The following PCDHGB4 variants were observed in gnomAD, a reference collection of about 807,000 sequenced individuals.
The protein encoded by PCDHGB4 is protocadherin gamma subfamily B, 4, also known as protocadherin gamma-B4.
A neutral mutation model predicts 60.5 loss-of-function variants in PCDHGB4; 38 were observed. The ratio of observed to expected loss-of-function variants is 0.63; its 90% CI spans 0.48 to 0.82. PCDHGB4 has a LOEUF of 0.82. Ranked by LOEUF, PCDHGB4 falls within the 40% of genes least tolerant of loss-of-function variation. The probability of loss-of-function intolerance (pLI) is 0.00; values close to 1 mark genes in which losing one functional copy is unlikely to be tolerated. For synonymous variants in PCDHGB4, 456 were observed against 509.7 expected (o/e 0.89, Z 1.42); for missense variants, 1,109 against 1,209.6 (o/e 0.92, Z 1.23).
At chr5:141,394,226 C>CT (rs771492563) in intron 1 of PCDHGB4, 132 of 1,613,834 alleles carry the variant, frequency 8.2e-5, no homozygotes, top group Non-Finnish European at 1.1e-4. Context: ...GAGCCTCCAT[C>CT]TTTTCCTTGA....
At chr5:141,398,415 C>T (rs2093654537) in intron 1 of PCDHGB4, 2 of 1,487,146 alleles carry the variant, frequency 1.3e-6, no homozygotes, top group Non-Finnish European at 1.9e-6. Context: ...AGGAGATATG[C>T]GGGAAGAAGC....
chr5:141,472,254 T>C (rs1031738513), intron 1 of PCDHGB4, among the ~76,000 whole-genome samples: 1 of 152,074 alleles, frequency 6.6e-6, no homozygotes, highest in Admixed American at 6.6e-5. Context: ...TTTAAAGTTA[T>C]ATTATAGCCG....
Position 141,410,441 on chromosome 5 carries a change from A to T in PCDHGB4, c.2397+20160A>T. ...AGTTCCCCCCAACTACAGTGAGGGGACTTTGCCTTATTCTTATAATCTGTG... is the reference window on the plus strand; with the variant it reads ...AGTTCCCCCCAACTACAGTGAGGGGTCTTTGCCTTATTCTTATAATCTGTG... On this transcript the variant is annotated intron_variant, in intron 1 of 3. Transcript: ENST00000519479. 2 of 1,613,946 alleles carry T rather than the reference A, an allele frequency of 1.2e-6. 1 individual carries two copies. The highest frequency in any genetic ancestry group is 2.2e-5 in the South Asian group (2 of 91,074).
chr5:141,410,847 G>GTTT (rs773839667), intron 1 of PCDHGB4: 4 of 158,330 alleles, frequency 2.5e-5, no homozygotes, highest in South Asian at 1.1e-4. Context: ...TTTTGTCTTT[G>GTTT]TCTTTTTTTT....
intron 1 of PCDHGB4, among the ~76,000 whole-genome samples, chr5:141,475,520 C>T (rs2099364531): frequency 6.6e-6 from 1 of 152,204 alleles, no homozygotes; most frequent in Non-Finnish European, 1.5e-5. Context: ...CACGGAAATG[C>T]TAAATGCCTC....
In PCDHGB4 at chr5:141,487,762, T is replaced by C; in HGVS notation, c.2398-7045T>C. 6.5e-7 allele frequency: 1 copy of C among 1,545,432 alleles called. No homozygotes were observed. The highest frequency in any genetic ancestry group is 8.8e-7 in the Non-Finnish European group (1 of 1,142,332). ...TAAGAGGTAACTATGTGGTAGACGC[T>C]GTGCTTTGTAACTGTTTCGTGAATT... On this transcript the variant is annotated intron_variant, in intron 1 of 3. Coordinates refer to ENST00000519479, the MANE Select transcript of PCDHGB4 (RefSeq NM_003736.4). The surrounding 1 kb of genome is among the most constrained non-coding windows in gnomAD (Gnocchi z 5.0).
intron 1 of PCDHGB4, among the ~76,000 whole-genome samples, chr5:141,436,181 T>A (rs1050736907): frequency 1.3e-5 from 2 of 152,092 alleles, no homozygotes; most frequent in African/African-American, 4.8e-5. Context: ...TCATATATAG[T>A]CAAATAGAAA....
At position 141,491,960 on chromosome 5, in the gene PCDHGB4, A is replaced by T. The variant is rs1380758016; in HGVS notation, c.2398-2847A>T. The T allele has an allele frequency of 1.0e-6, 1 of 984,842 alleles. No individual in the cohort carries two copies. The highest frequency in any genetic ancestry group is 3.0e-5 in the East Asian group (1 of 33,312). 61.0% of individuals were successfully genotyped at this position (984,842 alleles called of 1,614,324 possible). A position where few individuals can be genotyped will look rare whatever the true frequency, so the allele number is the denominator to read the frequency against. On this transcript the variant is annotated intron_variant, in intron 1 of 3. Coordinates refer to ENST00000519479, the MANE Select transcript of PCDHGB4 (RefSeq NM_003736.4). The surrounding 1 kb of genome is among the most constrained non-coding windows in gnomAD (Gnocchi z 6.9). ...CGACCCCCACCCCTACACTCAAAAA[A>T]GGCCGGGGCCTCCTTCGAGCTTCCG...
At position 141,485,565 on chromosome 5, in the gene PCDHGB4, C is replaced by T. The variant is rs1213821989; in HGVS notation, c.2398-9242C>T. The T allele has an allele frequency of 2.5e-6, 4 of 1,612,946 alleles. No homozygotes were observed. Among genetic ancestry groups the T allele is most frequent in the Non-Finnish European group, 2.5e-6 (3 of 1,179,042 alleles). On this transcript the variant is annotated intron_variant, in intron 1 of 3. Coordinates refer to ENST00000519479, the MANE Select transcript of PCDHGB4 (RefSeq NM_003736.4). The surrounding 1 kb of genome is among the most constrained non-coding windows in gnomAD (Gnocchi z 5.7). ...ATCGTAGATGTGAATGATCACGCCCCCCGTTTTCCGCGGCAGCAGCTGGAC... is the reference window on the plus strand; with the variant it reads ...ATCGTAGATGTGAATGATCACGCCCTCCGTTTTCCGCGGCAGCAGCTGGAC...
Position 141,490,924 on chromosome 5 carries a change from C to A in PCDHGB4, c.2398-3883C>A. 1 of 1,613,680 alleles carries A rather than the reference C, an allele frequency of 6.2e-7. No individual in the cohort carries two copies. Among genetic ancestry groups the A allele is most frequent in the Non-Finnish European group, 8.5e-7 (1 of 1,179,694 alleles). On this transcript the variant is annotated intron_variant, in intron 1 of 3. Coordinates refer to ENST00000519479, the MANE Select transcript of PCDHGB4 (RefSeq NM_003736.4). The surrounding 1 kb of genome is among the most constrained non-coding windows in gnomAD (Gnocchi z 5.4). ...TGTCCTAGACGAGAATGATAATGCC[C>A]CAGCTGTGCTGCACCCACGGCCAGA...
chr5:141,510,949 G>C lies in PCDHGB4; in HGVS notation c.2548G>C (p.Ala850Pro), dbSNP rs762789865. The C allele has an allele frequency of 2.2e-5, 36 of 1,614,012 alleles. No homozygotes were observed. The highest frequency in any genetic ancestry group is 3.0e-5 in the Non-Finnish European group (35 of 1,180,020). ...CTGATCTTCCTCTGTCTCTGCAGAA[G>C]CTGCTGATGGGAGCTCCACCCTGGG... ...QAMILASASE[A>P]ADGSSTLGGG... is the part of the protein sequence containing the mutation. The change falls in exon 4 of 4, where the codon GCT (alanine) becomes CCT (proline). Residue 850 changes from alanine (A) to proline (P), a missense_variant and splice_region_variant. Around this residue, in one of 2 missense-constraint regions of PCDHGB4, gnomAD observed 1,068 missense variants for 1,089.9 expected, o/e 0.98. Coordinates refer to ENST00000519479, the MANE Select transcript of PCDHGB4 (RefSeq NM_003736.4).
chr5:141,490,942 C>A lies in PCDHGB4; in HGVS notation c.2398-3865C>A, dbSNP rs371286343. On this transcript the variant is annotated intron_variant, in intron 1 of 3. Coordinates refer to ENST00000519479, the MANE Select transcript of PCDHGB4 (RefSeq NM_003736.4). This position sits in a 1 kb window ranked among gnomAD's most constrained non-coding sequence, Gnocchi z 5.4. ...TAATGCCCCAGCTGTGCTGCACCCA[C>A]GGCCAGACTGGGAACACTCAGCCCC... The A allele has an allele frequency of 3.0e-5, 49 of 1,613,526 alleles. No individual in the cohort carries two copies. The highest frequency in any genetic ancestry group is 4.1e-5 in the Non-Finnish European group (48 of 1,179,768).
At chr5:141,419,104 C>T (rs756257411) in intron 1 of PCDHGB4, 75 of 1,613,732 alleles carry the variant, frequency 4.6e-5, no homozygotes, top group Non-Finnish European at 5.9e-5. Context: ...GGGAGCAGAC[C>T]CCAGAGTACA....
intron 1 of PCDHGB4, chr5:141,393,177 G>A (rs1330463387): frequency 6.2e-7 from 1 of 1,613,292 alleles, no homozygotes; most frequent in South Asian, 1.1e-5. Flanking sequence ...GGTAGAAATA[G>A]AAATAATTGA....
intron 1 of PCDHGB4, among the ~76,000 whole-genome samples, chr5:141,449,753 C>T (rs1260240861): frequency 6.6e-6 from 1 of 151,246 alleles, no homozygotes; most frequent in East Asian, 1.9e-4. Context: ...ATTTTTATGA[C>T]ATTTGAGAGT....
chr5:141,487,423 C>T lies in PCDHGB4; in HGVS notation c.2398-7384C>T. 1 of 1,614,158 alleles carries T rather than the reference C, an allele frequency of 6.2e-7. No homozygotes were observed. Among genetic ancestry groups the T allele is most frequent in the Non-Finnish European group, 8.5e-7 (1 of 1,180,012 alleles). On this transcript the variant is annotated intron_variant, in intron 1 of 3. Transcript: ENST00000519479. The surrounding 1 kb of genome is among the most constrained non-coding windows in gnomAD (Gnocchi z 5.0). ...GGCTTCCCCCTTCCAATGGGATCCTCCGAATCCAGCTAGGGTCAGATGACC... is the reference window on the plus strand; with the variant it reads ...GGCTTCCCCCTTCCAATGGGATCCTTCGAATCCAGCTAGGGTCAGATGACC...
rs537755017 is a variant in PCDHGB4 at position 141,491,797 on chromosome 5, G to A, written c.2398-3010G>A. 16 of 1,506,818 alleles carry A rather than the reference G, an allele frequency of 1.1e-5. No individual in the cohort carries two copies. In the Admixed American group the frequency reaches 2.2e-4, roughly 20 times the overall value. The allele number at this position is 1,506,818 out of a possible 1,614,324, so 93.3% of individuals were successfully genotyped here. A position where few individuals can be genotyped will look rare whatever the true frequency, so the allele number is the denominator to read the frequency against. ...ATTGAACTTGCATCCACTCCTCTCC[G>A]GCCGGCTTGGTCGCTGGCTGCGCTC... On this transcript the variant is annotated intron_variant, in intron 1 of 3. Transcript: ENST00000519479. The surrounding 1 kb of genome is among the most constrained non-coding windows in gnomAD (Gnocchi z 6.9).
chr5:141,391,331 G>A (rs75432065), intron 1 of PCDHGB4: 5 of 95,914 alleles, frequency 5.2e-5, no homozygotes, highest in Non-Finnish European at 6.3e-5. Context: ...TTTTTTTTTT[G>A]AGACAGAGTC....
chr5:141,415,001 C>G (rs1326591845), intron 1 of PCDHGB4: 2 of 1,613,712 alleles, frequency 1.2e-6, no homozygotes, highest in Non-Finnish European at 1.7e-6. Context: ...GCCTGGCTGT[C>G]CTACCGTCTG....
Sources: allele counts gnomAD v4.1 joint callset (sites outside exome capture counted in the v4.1 genomes callset), GRCh38; gene constraint gnomAD v4.1.1; regional missense constraint gnomAD v4.1.1; non-coding constraint Gnocchi (gnomAD v3.1); transcripts MANE v1.5; gene names NCBI Gene and HGNC (gene_info 2026-07-23, HGNC 2026-07-21).